IGSF11: variants seen among roughly 807,000 people sequenced by gnomAD.
IGSF11 encodes the protein CXADR like 1.
IGSF11 carries 22 observed loss-of-function variants against 41.0 expected under a neutral mutation model. That is an observed-to-expected ratio of 0.54 (90% CI 0.38 to 0.77). The LOEUF is 0.77. IGSF11 is among the 30% of genes least tolerant of loss of function. IGSF11 has a pLI of 0.00. For synonymous variants in IGSF11, 219 were observed against 201.3 expected (o/e 1.09, Z -0.74); for missense variants, 444 against 530.8 (o/e 0.84, Z 1.61).
chr3:119,003,087 G>C (rs1398223524), intron 1 of IGSF11, among the ~76,000 whole-genome samples: 1 of 118,212 alleles, frequency 8.5e-6, no homozygotes, highest in Non-Finnish European at 1.7e-5. Flanking sequence ...TCACGATATT[G>C]ATTCTTCCTA....
chr3:118,951,546 T>A (rs2107582680), intron 1 of IGSF11, among the ~76,000 whole-genome samples: 1 of 152,304 alleles, frequency 6.6e-6, no homozygotes, highest in East Asian at 1.9e-4. Context: ...AAGTGATATT[T>A]CTTTTAAAAA....
chr3:119,114,062 C>T (rs920716680), intron 1 of IGSF11, among the ~76,000 whole-genome samples: 4 of 152,186 alleles, frequency 2.6e-5, no homozygotes, highest in Non-Finnish European at 5.9e-5. Flanking sequence ...TGATGTGGTA[C>T]AGGGCAGCAG....
intron 1 of IGSF11, among the ~76,000 whole-genome samples, chr3:118,935,079 C>T (rs529389986): frequency 1.5e-4 from 23 of 151,824 alleles, no homozygotes; most frequent in African/African-American, 3.9e-4. Flanking sequence ...CAGAACACCA[C>T]CAAGCTTTTA....
chr3:118,967,764 G>A (rs1377248197), intron 1 of IGSF11, among the ~76,000 whole-genome samples: 3 of 152,156 alleles, frequency 2.0e-5, no homozygotes, highest in Non-Finnish European at 4.4e-5. Flanking sequence ...AAGCAAATGA[G>A]AAAGCAAGTG....
chr3:118,940,114 C>A (rs965058356), intron 1 of IGSF11, among the ~76,000 whole-genome samples: 19 of 152,140 alleles, frequency 1.2e-4, no homozygotes, highest in Admixed American at 3.3e-4. Context: ...AAAAGATTTT[C>A]CTCCTACAGT....
At chr3:119,121,891 A>G (rs2077338594) in intron 1 of IGSF11, among the ~76,000 whole-genome samples, 1 of 152,234 alleles carries the variant, frequency 6.6e-6, no homozygotes, top group Admixed American at 6.5e-5. Context: ...TGGGGGCCAG[A>G]AGACAGAGGG....
intron 6 of IGSF11, among the ~76,000 whole-genome samples, chr3:118,903,940 G>A (rs1185697027): frequency 6.6e-6 from 1 of 152,184 alleles, no homozygotes; most frequent in Non-Finnish European, 1.5e-5. Context: ...AGAGGCTTGA[G>A]CAAAAGCCCT....
At chr3:119,072,534 G>A (rs974733080) in intron 1 of IGSF11, among the ~76,000 whole-genome samples, 3 of 152,106 alleles carry the variant, frequency 2.0e-5, no homozygotes, top group Admixed American at 6.5e-5. Context: ...TCTGATGTTC[G>A]GACGTGTTCA....
At chr3:119,018,015 C>T (rs1938917649) in intron 1 of IGSF11, among the ~76,000 whole-genome samples, 1 of 151,998 alleles carries the variant, frequency 6.6e-6, no homozygotes, top group African/African-American at 2.4e-5. Context: ...TACCTCTTTC[C>T]TATCACCTAC....
Position 118,986,370 on chromosome 3 carries a change from G to C in IGSF11, c.52+48161C>G, listed in dbSNP as rs527374406. On this transcript the variant is annotated intron_variant, in intron 1 of 6. Transcript: ENST00000393775. Reference sequence around the variant, plus strand: ...GCTGCCTTCTCCACTCACAGTGCCTGGTATGCAATAAATGTTCATTGAACT... The same window carrying C: ...GCTGCCTTCTCCACTCACAGTGCCTCGTATGCAATAAATGTTCATTGAACT... Among the ~76,000 whole-genome samples the C allele has an allele frequency of 1.2e-4, 18 of 152,166 alleles. 1 individual carries two copies. The highest frequency in any genetic ancestry group is 3.9e-4 in the Admixed American group (6 of 15,286).
At chr3:119,026,304 T>G (rs1939820019) in intron 1 of IGSF11, among the ~76,000 whole-genome samples, 1 of 152,226 alleles carries the variant, frequency 6.6e-6, no homozygotes, top group South Asian at 2.1e-4. Context: ...ATTGTCTGGC[T>G]AGTTGTCTCT....
Position 119,041,094 on chromosome 3 carries a change from G to C in IGSF11, c.49+64050C>G, listed in dbSNP as rs920992965. Among the ~76,000 whole-genome samples the C allele has an allele frequency of 3.9e-5, 6 of 152,028 alleles. 1 individual carries two copies. The highest frequency in any genetic ancestry group is 3.9e-4 in the East Asian group (2 of 5,178). Reference sequence around the variant, plus strand: ...AATTACTACTTAGCTTAAGAATTTTGATAAAATAAAATAGGTCTAAAGGAA... The same window carrying C: ...AATTACTACTTAGCTTAAGAATTTTCATAAAATAAAATAGGTCTAAAGGAA... On this transcript the variant is annotated intron_variant, in intron 1 of 6. Coordinates refer to the IGSF11 transcript ENST00000354673.
At chr3:119,112,838 G>C (rs1473694891) in intron 1 of IGSF11, 2 of 152,212 alleles carry the variant, frequency 1.3e-5, no homozygotes, top group African/African-American at 4.8e-5. Flanking sequence ...AACTACCTGA[G>C]TCTGGGTAAT....
chr3:119,138,671 C>A (rs1283612472), intron 1 of IGSF11, among the ~76,000 whole-genome samples: 1 of 152,024 alleles, frequency 6.6e-6, no homozygotes, highest in African/African-American at 2.4e-5. Flanking sequence ...GGCAACATAG[C>A]AAGACTCTGT....
intron 1 of IGSF11, among the ~76,000 whole-genome samples, chr3:119,019,067 G>C (rs1939030093): frequency 6.6e-6 from 1 of 152,150 alleles, no homozygotes; most frequent in Non-Finnish European, 1.5e-5. Context: ...TTTCTTAAAA[G>C]AAAGTATCAT....
At chr3:119,044,915 T>G (rs1941260457) in intron 1 of IGSF11, among the ~76,000 whole-genome samples, 2 of 152,134 alleles carry the variant, frequency 1.3e-5, no homozygotes, top group Admixed American at 1.3e-4. Context: ...TTCTAAATCT[T>G]GGAACAAAAC....
At chr3:118,943,640 A>T (rs1190993695) in intron 1 of IGSF11, among the ~76,000 whole-genome samples, 1 of 152,210 alleles carries the variant, frequency 6.6e-6, no homozygotes, top group Admixed American at 6.5e-5. Flanking sequence ...AACTTGGATA[A>T]TGAATAGGGT....
At chr3:118,970,677 T>C (rs1009407440) in intron 1 of IGSF11, among the ~76,000 whole-genome samples, 40 of 151,898 alleles carry the variant, frequency 2.6e-4, no homozygotes, top group African/African-American at 9.2e-4. Context: ...GTTGGTACTA[T>C]TGTATTCTCA....
At chr3:118,918,614 C>T (rs1163841083) in intron 4 of IGSF11, among the ~76,000 whole-genome samples, 2 of 133,226 alleles carry the variant, frequency 1.5e-5, no homozygotes, top group South Asian at 2.8e-4. Flanking sequence ...AAAGAGGATA[C>T]AAACAAATGG....
Sources: allele counts gnomAD v4.1 joint callset (sites outside exome capture counted in the v4.1 genomes callset), GRCh38; gene constraint gnomAD v4.1.1; transcripts MANE v1.5; gene names NCBI Gene and HGNC (gene_info 2026-07-23, HGNC 2026-07-21).